FMN2: variants seen among roughly 807,000 people sequenced by gnomAD.
FMN2 encodes the protein formin-2.
In FMN2, 51 loss-of-function variants were observed where a neutral mutation model predicts 142.3. The observed-to-expected ratio is 0.36, with a 90% confidence interval of 0.29 to 0.45. The LOEUF (loss-of-function observed/expected upper bound fraction) is 0.45, where lower values mean the gene tolerates loss of function less well. Among genes scored for constraint, FMN2 ranks in the 20% least tolerant of loss-of-function variants. The pLI is 1.00. For synonymous variants in FMN2, 882 were observed against 869.8 expected, an observed-to-expected ratio of 1.01 and a Z score of -0.25; for missense variants, 1,936 against 2,122.8, an observed-to-expected ratio of 0.91 and a Z score of 1.73.
intron 14 of FMN2, among the ~76,000 whole-genome samples, chr1:240,374,027 C>A (rs1262604306): frequency 6.6e-6 from 1 of 152,174 alleles, no homozygotes; most frequent in Non-Finnish European, 1.5e-5. Flanking sequence ...CAAAATGAAT[C>A]TCCTTGTATT....
chr1:240,105,868 C>G (rs915558431), intron 1 of FMN2, among the ~76,000 whole-genome samples: 3 of 151,862 alleles, frequency 2.0e-5, no homozygotes, highest in Non-Finnish European at 2.9e-5. Context: ...TTTTTTACAG[C>G]AAATAATTGA....
At chr1:240,358,182 A>G (rs1402115512) in intron 14 of FMN2, among the ~76,000 whole-genome samples, 1 of 152,162 alleles carries the variant, frequency 6.6e-6, no homozygotes, top group Non-Finnish European at 1.5e-5. Context: ...TGCTTTCAGT[A>G]TGCCCAGCTA....
At chr1:240,424,355 A>G (rs968368704) in intron 15 of FMN2, among the ~76,000 whole-genome samples, 7 of 152,318 alleles carry the variant, frequency 4.6e-5, no homozygotes, top group South Asian at 2.1e-4. Context: ...GATAGACTCT[A>G]TAGATAAGTA....
chr1:240,242,419 G>T (rs965468174), intron 6 of FMN2, among the ~76,000 whole-genome samples: 1 of 152,084 alleles, frequency 6.6e-6, no homozygotes, highest in Admixed American at 6.5e-5. Flanking sequence ...TGAAATTCTC[G>T]CTTCTAGTTT....
At chr1:240,382,361 T>C (rs751021855) in intron 14 of FMN2, among the ~76,000 whole-genome samples, 26 of 152,096 alleles carry the variant, frequency 1.7e-4, no homozygotes, top group Non-Finnish European at 2.8e-4. Context: ...TTCTGACTCA[T>C]GGATCAGAAG....
intron 1 of FMN2, among the ~76,000 whole-genome samples, chr1:240,109,660 C>T (rs1016758026): frequency 1.3e-5 from 2 of 152,032 alleles, no homozygotes; most frequent in Admixed American, 1.3e-4. Flanking sequence ...AACTGAGACG[C>T]ACATTTGATG....
chr1:240,316,540 CTG>C (rs1398829707), intron 8 of FMN2, among the ~76,000 whole-genome samples: 1 of 151,932 alleles, frequency 6.6e-6, no homozygotes, highest in Non-Finnish European at 1.5e-5. Flanking sequence ...AGGGAGAAGT[CTG>C]TTTCTAAGAT....
chr1:240,132,110 T>G (rs913440660), intron 2 of FMN2, among the ~76,000 whole-genome samples: 1 of 152,144 alleles, frequency 6.6e-6, no homozygotes, highest in African/African-American at 2.4e-5. Flanking sequence ...TTTCTTTGAG[T>G]TTCTGGTTCA....
chr1:240,244,146 C>A (rs367675707), intron 6 of FMN2, among the ~76,000 whole-genome samples: 6 of 152,148 alleles, frequency 3.9e-5, no homozygotes, highest in African/African-American at 1.4e-4. Flanking sequence ...GGCCATTTAT[C>A]CCTTATTTAA....
intron 6 of FMN2, among the ~76,000 whole-genome samples, chr1:240,242,637 A>G (rs1667949605): frequency 6.6e-6 from 1 of 152,172 alleles, no homozygotes; most frequent in South Asian, 2.1e-4. Flanking sequence ...CAAATGAGAG[A>G]GACAGGCTAG....
chr1:240,092,175 C>G lies in FMN2; in HGVS notation c.66C>G (p.Gly22=). The G allele has an allele frequency of 6.3e-7, 1 of 1,577,192 alleles. No homozygotes were observed. Among genetic ancestry groups the G allele is most frequent in the Non-Finnish European group, 8.6e-7 (1 of 1,162,576 alleles). Residue 22 remains glycine, a synonymous_variant, in exon 1 of 18, where the codon GGC becomes GGG. Coordinates refer to ENST00000319653, the MANE Select transcript of FMN2 (RefSeq NM_020066.5). The part of the protein sequence containing the change: ...AGDALHEGGG[G]AEDALGPRDV... ...ATGCTTTGCACGAAGGCGGCGGTGG[C>G]GCCGAGGATGCGCTGGGGCCCAGGG... is the stretch of plus-strand genomic sequence containing the variant.
At chr1:240,302,121 T>A (rs1670221929) in intron 8 of FMN2, among the ~76,000 whole-genome samples, 1 of 152,058 alleles carries the variant, frequency 6.6e-6, no homozygotes, top group African/African-American at 2.4e-5. Context: ...TTTTGCTGTC[T>A]TTATTCTTTT....
chr1:240,107,763 A>G (rs1661668166), intron 1 of FMN2, among the ~76,000 whole-genome samples: 1 of 152,052 alleles, frequency 6.6e-6, no homozygotes, highest in African/African-American at 2.4e-5. Flanking sequence ...AGGAAAAAAA[A>G]TCCCTTGATG....
chr1:240,434,083 C>G (rs1426423158), intron 15 of FMN2, among the ~76,000 whole-genome samples: 1 of 151,966 alleles, frequency 6.6e-6, no homozygotes. Flanking sequence ...AAAAAAGGAC[C>G]ATTTAAGAAT....
intron 8 of FMN2, among the ~76,000 whole-genome samples, chr1:240,315,549 T>G (rs1488939146): frequency 2.6e-5 from 4 of 152,232 alleles, no homozygotes; most frequent in African/African-American, 9.6e-5. Flanking sequence ...TATTTGGCTC[T>G]GAATTTCTTG....
chr1:240,367,297 C>T (rs1288119514), intron 14 of FMN2, among the ~76,000 whole-genome samples: 1 of 152,052 alleles, frequency 6.6e-6, no homozygotes, highest in Non-Finnish European at 1.5e-5. Context: ...GTTATTAGGA[C>T]ATCTTTATAT....
At chr1:240,362,442 A>T (rs1188566928) in intron 14 of FMN2, among the ~76,000 whole-genome samples, 1 of 152,216 alleles carries the variant, frequency 6.6e-6, no homozygotes, top group African/African-American at 2.4e-5. Context: ...ATATAGAAAG[A>T]TGAGATAAAT....
At chr1:240,318,429 G>A (rs1256918626) in intron 8 of FMN2, among the ~76,000 whole-genome samples, 1 of 150,670 alleles carries the variant, frequency 6.6e-6, no homozygotes, top group Non-Finnish European at 1.5e-5. Context: ...TTTTTTCCAT[G>A]TATCTGCTGG....
intron 1 of FMN2, among the ~76,000 whole-genome samples, chr1:240,105,744 G>C (rs1661583981): frequency 6.6e-6 from 1 of 152,048 alleles, no homozygotes; most frequent in Admixed American, 6.6e-5. Flanking sequence ...AATGTTTTCA[G>C]TATCTATCAG....
Sources: gnomAD v4.1 joint callset for allele counts (sites outside exome capture counted in the v4.1 genomes callset) on GRCh38, gnomAD v4.1.1 for gene constraint, MANE v1.5 for transcripts, NCBI Gene and HGNC (gene_info 2026-07-23, HGNC 2026-07-21) for gene names.